The following PTH2R variants were observed in gnomAD, a reference collection of about 807,000 sequenced individuals.
PTH2R encodes parathyroid hormone 2 receptor.
Under a neutral mutation model 60.3 loss-of-function variants are expected in PTH2R, and 59 were observed. The ratio of observed to expected loss-of-function variants is 0.98; its 90% CI spans 0.79 to 1.22. The LOEUF is 1.22. PTH2R is among the 50% of genes most tolerant of loss of function. PTH2R has a pLI of 0.00. For synonymous variants in PTH2R, 256 were observed against 243.8 expected (o/e 1.05, Z -0.47); for missense variants, 749 against 682.6 (o/e 1.10, Z -1.08).
Position 208,437,591 on chromosome 2 carries a change from T to TG in PTH2R, c.237dup (p.Lys80GlufsTer13), listed in dbSNP as rs1702100021. ...CTCATTTGTTGGCCCAGAGGAACAG[T>TG]GGGGAAAATATCGGCTGTTCCATGC... On this transcript the variant is annotated frameshift_variant, in exon 3 of 13. Coordinates refer to ENST00000272847, the MANE Select transcript of PTH2R (RefSeq NM_005048.4). LOFTEE classifies it high-confidence loss of function. The TG allele has an allele frequency of 1.2e-6, 2 of 1,613,662 alleles. No individual in the cohort carries two copies. The highest frequency in any genetic ancestry group is 2.7e-5 in the African/African-American group (2 of 74,910).
At chr2:208,463,070 A>G (rs1574896098) in intron 9 of PTH2R, among the ~76,000 whole-genome samples, 1 of 152,246 alleles carries the variant, frequency 6.6e-6, no homozygotes, top group Non-Finnish European at 1.5e-5. Context: ...TATGAAGTGG[A>G]AAGGACATGG....
Position 208,489,027 on chromosome 2 carries a change from G to A in PTH2R, c.1092G>A (p.Ser364=), listed in dbSNP as rs766692313. 15 of 1,613,776 alleles carry A rather than the reference G, an allele frequency of 9.3e-6. No homozygotes were observed. Among genetic ancestry groups the A allele is most frequent in the Middle Eastern group, 1.6e-4 (1 of 6,084 alleles). ...TCTCCTTTAGGAAACTGGCCAAATC[G>A]ACACTGGTCCTGGTCCTAGTCTTTG... The part of the protein sequence containing the change: ...TRKQYRKLAK[S]TLVLVLVFGV... The change falls in exon 11 of 13, where the codon TCG becomes TCA. Residue 364 remains serine, a synonymous_variant. Coordinates refer to ENST00000272847, the MANE Select transcript of PTH2R (RefSeq NM_005048.4).
chr2:208,428,127 G>C, intron 1 of PTH2R, 74 bp from the exon 2 acceptor site: 1 of 1,082,734 alleles, frequency 9.2e-7, no homozygotes. Flanking sequence ...AGATTAGAAG[G>C]TGAAATAATG....
At chr2:208,450,909 C>T (rs1367940814) in intron 8 of PTH2R, 100 bp downstream of exon 8, 2 of 1,310,916 alleles carry the variant, frequency 1.5e-6, no homozygotes, top group Non-Finnish European at 1.1e-6. Context: ...GATGCCATTG[C>T]TTTTTAGGGA....
intron 1 of PTH2R, among the ~76,000 whole-genome samples, chr2:208,419,147 G>A (rs4673409): frequency 2.6e-5 from 4 of 152,088 alleles, no homozygotes; most frequent in Admixed American, 1.3e-4. Context: ...ACAGTGTAAA[G>A]GTGTTCCTAT....
At chr2:208,420,095 T>G (rs1701723462) in intron 1 of PTH2R, among the ~76,000 whole-genome samples, 2 of 146,338 alleles carry the variant, frequency 1.4e-5, no homozygotes, top group Non-Finnish European at 1.5e-5. Flanking sequence ...TGAGAACACA[T>G]GGACACAGGA....
chr2:208,442,123 A>G (rs748404456), intron 4 of PTH2R, among the ~76,000 whole-genome samples: 1 of 152,222 alleles, frequency 6.6e-6, no homozygotes, highest in Non-Finnish European at 1.5e-5. Flanking sequence ...ATATTGGAAC[A>G]GTGATTTCCT....
chr2:208,365,014 A>G (rs1236048486), intron 1 of PTH2R, among the ~76,000 whole-genome samples: 2 of 148,174 alleles, frequency 1.3e-5, no homozygotes, highest in Non-Finnish European at 3.0e-5. Flanking sequence ...TTGATTTTGT[A>G]TCTGGTAACT....
intron 4 of PTH2R, among the ~76,000 whole-genome samples, chr2:208,441,358 G>A (rs1463651804): frequency 6.6e-6 from 1 of 152,180 alleles, no homozygotes; most frequent in East Asian, 1.9e-4. Flanking sequence ...AAATGGATGA[G>A]TTCTGGTTCA....
At chr2:208,474,248 C>A (rs1702948478) in intron 9 of PTH2R, among the ~76,000 whole-genome samples, 1 of 130,370 alleles carries the variant, frequency 7.7e-6, no homozygotes, top group African/African-American at 3.0e-5. Context: ...CTATGAAAAG[C>A]ATTCAGTAAA....
rs955177987 is a variant in PTH2R at position 208,414,245 on chromosome 2, A to G, written c.75+7127A>G. Among the ~76,000 whole-genome samples the G allele has an allele frequency of 6.6e-5, 10 of 152,346 alleles. No individual in the cohort carries two copies. In the South Asian group the frequency reaches 1.9e-3, roughly 28 times the overall value. On this transcript the variant is annotated intron_variant, in intron 1 of 12. Coordinates refer to ENST00000272847, the MANE Select transcript of PTH2R (RefSeq NM_005048.4). ...GTTAGAAAGGGAGCTAGAACTTAAA[A>G]TGGTGGTGTTTGTCCAAGATGACAG...
chr2:208,434,096 C>T (rs1401318550), intron 2 of PTH2R, among the ~76,000 whole-genome samples: 1 of 152,072 alleles, frequency 6.6e-6, no homozygotes, highest in Non-Finnish European at 1.5e-5. Context: ...GGTGGATCAC[C>T]TGAGGTCAGG....
chr2:208,490,756 A>G (rs1703386771), intron 12 of PTH2R, 76 bp downstream of exon 12: 1 of 1,376,422 alleles, frequency 7.3e-7, no homozygotes, highest in Non-Finnish European at 9.9e-7. Context: ...GAATCTCTTT[A>G]GAATTTCCAG....
intron 10 of PTH2R, among the ~76,000 whole-genome samples, chr2:208,482,768 C>T (rs529724314): frequency 6.6e-6 from 1 of 152,208 alleles, no homozygotes; most frequent in Admixed American, 6.5e-5. Flanking sequence ...AAGATGAGGG[C>T]GTTTATAGCC....
At position 208,444,840 on chromosome 2, in the gene PTH2R, T is replaced by G; in HGVS notation, c.806T>G (p.Phe269Cys). 1 of 1,613,976 alleles carries G rather than the reference T, an allele frequency of 6.2e-7. No homozygotes were observed. Among genetic ancestry groups the G allele is most frequent in the Non-Finnish European group, 8.5e-7 (1 of 1,179,926 alleles). The part of the protein sequence containing the change: ...LYLHNLIFVA[F>C]FSDTKYLWGF... ...CTGCATAATCTCATCTTTGTGGCTTTCTTTTCGGACACCAAATACCTGTGG... is the reference window on the plus strand; with the variant it reads ...CTGCATAATCTCATCTTTGTGGCTTGCTTTTCGGACACCAAATACCTGTGG... The change falls in exon 7 of 13, where the codon TTC (phenylalanine) becomes TGC (cysteine). Residue 269 changes from phenylalanine to cysteine, a missense_variant. Physicochemically the swap from Phe to Cys is radical, Grantham distance 205. Transcript: ENST00000272847.
intron 9 of PTH2R, among the ~76,000 whole-genome samples, chr2:208,467,856 A>G (rs554880966): frequency 6.6e-6 from 1 of 152,330 alleles, no homozygotes; most frequent in Admixed American, 6.5e-5. Context: ...AAGGATTTAT[A>G]AACATTTCAA....
In PTH2R at chr2:208,442,466, G is replaced by A; in HGVS notation, c.509+5G>A. The A allele has an allele frequency of 1.9e-6, 3 of 1,585,244 alleles. No homozygotes were observed. Among genetic ancestry groups the A allele is most frequent in the Non-Finnish European group, 2.6e-6 (3 of 1,153,950 alleles). The stretch of plus-strand genomic sequence containing the variant: ...TCTCATCATTGGTTACTTCAGGTGA[G>A]TGATGCCCATCACTTTTTCCATGAA... On this transcript the variant is annotated splice_donor_5th_base_variant and intron_variant, in intron 5 of 12. Transcript: ENST00000272847.
At chr2:208,380,796 G>A (rs146167237) in intron 1 of PTH2R, among the ~76,000 whole-genome samples, 15 of 152,080 alleles carry the variant, frequency 9.9e-5, no homozygotes. Context: ...CATCAGGTAG[G>A]GACTGTTAGC....
At chr2:208,443,167 A>G (rs1448209376) in intron 5 of PTH2R, among the ~76,000 whole-genome samples, 181 bp from the exon 6 acceptor site, 4 of 152,234 alleles carry the variant, frequency 2.6e-5, no homozygotes, top group African/African-American at 7.2e-5. Context: ...GGTTATGTGC[A>G]AATACTGCAC....
Sources: allele counts gnomAD v4.1 joint callset (sites outside exome capture counted in the v4.1 genomes callset), GRCh38; gene constraint gnomAD v4.1.1; transcripts MANE v1.5; gene names NCBI Gene and HGNC (gene_info 2026-07-23, HGNC 2026-07-21).